ZBTB20: variants seen among roughly 807,000 people sequenced by gnomAD.
ZBTB20 encodes zinc finger and BTB domain containing 20.
ZBTB20 carries 9 observed loss-of-function variants against 56.9 expected under a neutral mutation model. The observed-to-expected ratio is 0.16, with a 90% confidence interval of 0.10 to 0.28. ZBTB20 has a LOEUF of 0.28. Among genes scored for constraint, ZBTB20 ranks in the 10% least tolerant of loss-of-function variants. The probability of loss-of-function intolerance (pLI) is 1.00; values close to 1 mark genes in which losing one functional copy is unlikely to be tolerated. For missense variants in ZBTB20, 655 were observed against 1,003.0 expected, an observed-to-expected ratio of 0.65 and a Z score of 4.69; for synonymous variants, 417 against 420.7, an observed-to-expected ratio of 0.99 and a Z score of 0.11.
At chr3:114,598,332 T>C (rs1390730225) in intron 6 of ZBTB20, among the ~76,000 whole-genome samples, 2 of 152,020 alleles carry the variant, frequency 1.3e-5, no homozygotes, top group African/African-American at 2.4e-5. Flanking sequence ...TAAGTAATAG[T>C]GTTCACCAAA....
chr3:114,604,465 G>A (rs1027604618), intron 6 of ZBTB20, among the ~76,000 whole-genome samples: 1 of 151,734 alleles, frequency 6.6e-6, no homozygotes, highest in Non-Finnish European at 1.5e-5. Flanking sequence ...TTTGATTTTT[G>A]AACCCTGGAA....
At chr3:114,984,708 G>C (rs1282221326) in intron 2 of ZBTB20, among the ~76,000 whole-genome samples, 1 of 151,934 alleles carries the variant, frequency 6.6e-6, no homozygotes, top group Non-Finnish European at 1.5e-5. Context: ...TCTCATTTTA[G>C]ATCAGAAACA....
rs1209434353 is a variant in ZBTB20 at position 114,337,137 on chromosome 3, G to A, written c.*1868C>T. 2.0e-5 allele frequency: 3 copies of A among 152,262 alleles called. No individual in the cohort carries two copies. The highest frequency in any genetic ancestry group is 2.1e-4 in the South Asian group (1 of 4,828). The allele number at this position is 152,262 out of a possible 1,614,324, so 9.4% of individuals were successfully genotyped here. The stretch of plus-strand genomic sequence containing the variant: ...TTTGTTAATTTCCCTAAAACCTTTC[G>A]AAGAAGCAAGGGTTAATTCGTCATC... On this transcript the variant is annotated 3_prime_UTR_variant, in exon 12 of 12. Transcript: ENST00000675478.
chr3:114,438,752 C>A (rs1236978179), intron 7 of ZBTB20, among the ~76,000 whole-genome samples: 1 of 152,086 alleles, frequency 6.6e-6, no homozygotes, highest in South Asian at 2.1e-4. Flanking sequence ...AAAAGTAGGG[C>A]TCCTTATTAA....
intron 4 of ZBTB20, among the ~76,000 whole-genome samples, chr3:114,884,486 A>G (rs1055949084): frequency 7.2e-5 from 11 of 152,300 alleles, no homozygotes; most frequent in Admixed American, 3.9e-4. Context: ...ACATCGAGCA[A>G]TGGGAAAATA....
chr3:114,935,313 C>T (rs945221311), intron 3 of ZBTB20, among the ~76,000 whole-genome samples: 1 of 152,154 alleles, frequency 6.6e-6, no homozygotes, highest in African/African-American at 2.4e-5. Flanking sequence ...CCCTTCCCCA[C>T]CATGTTACCT....
At chr3:115,135,996 G>C (rs776889302) in intron 1 of ZBTB20, among the ~76,000 whole-genome samples, 3 of 151,986 alleles carry the variant, frequency 2.0e-5, no homozygotes, top group Non-Finnish European at 4.4e-5. Context: ...ATCCAGATAG[G>C]AATCATATAG....
At chr3:114,512,221 A>G (rs1268202720) in intron 6 of ZBTB20, among the ~76,000 whole-genome samples, 1 of 152,172 alleles carries the variant, frequency 6.6e-6, no homozygotes. Flanking sequence ...TAGTTGCTTT[A>G]TGTCCTTGTT....
chr3:114,955,579 G>A (rs1455724319), intron 3 of ZBTB20, among the ~76,000 whole-genome samples: 2 of 152,050 alleles, frequency 1.3e-5, no homozygotes, highest in African/African-American at 4.8e-5. Flanking sequence ...CTTAGCTCTA[G>A]TACTCAACCT....
At chr3:114,682,340 A>T (rs1578318699) in intron 6 of ZBTB20, among the ~76,000 whole-genome samples, 2 of 152,326 alleles carry the variant, frequency 1.3e-5, no homozygotes, top group Middle Eastern at 6.8e-3. Flanking sequence ...AATTTATGCT[A>T]CGCACAGAAT....
At chr3:114,812,654 G>A (rs946141760) in intron 4 of ZBTB20, among the ~76,000 whole-genome samples, 4 of 152,222 alleles carry the variant, frequency 2.6e-5, no homozygotes, top group Non-Finnish European at 4.4e-5. Flanking sequence ...CCCGCACCCG[G>A]GCTGCAGGTG....
chr3:114,772,447 C>T (rs997331256), intron 5 of ZBTB20, among the ~76,000 whole-genome samples: 1 of 152,056 alleles, frequency 6.6e-6, no homozygotes. Context: ...TTCTAGTATG[C>T]TTTGTAGTGA....
chr3:114,751,701 C>T (rs1256457615), intron 5 of ZBTB20, among the ~76,000 whole-genome samples: 1 of 152,082 alleles, frequency 6.6e-6, no homozygotes, highest in Non-Finnish European at 1.5e-5. Context: ...CCAAGTTAAT[C>T]ACAAATTGTT....
At chr3:114,688,144 C>T (rs1433254144) in intron 6 of ZBTB20, 1 of 152,092 alleles carries the variant, frequency 6.6e-6, no homozygotes, top group Non-Finnish European at 1.5e-5. Flanking sequence ...GCACAAGAAT[C>T]ACTTGAACCG....
intron 1 of ZBTB20, among the ~76,000 whole-genome samples, chr3:115,078,613 G>GTGTATATATATATATATATATA (rs769630983): frequency 6.5e-5 from 9 of 137,820 alleles, no homozygotes; most frequent in African/African-American, 2.3e-4. Context: ...GTGTGTGTGT[G>GTGTATATATATATATATATATA]TATATATATA....
intron 4 of ZBTB20, among the ~76,000 whole-genome samples, chr3:114,859,285 T>TTCC (rs2075394850): frequency 3.4e-5 from 1 of 29,396 alleles, no homozygotes; most frequent in Admixed American, 5.0e-4. Context: ...CCTTCCTTCC[T>TTCC]TTCTTCCTTC....
chr3:114,839,450 A>G (rs2074275411), intron 4 of ZBTB20, among the ~76,000 whole-genome samples: 1 of 151,588 alleles, frequency 6.6e-6, no homozygotes, highest in Admixed American at 6.6e-5. Flanking sequence ...AAAGAAAGAA[A>G]GAAAGAAAGA....
chr3:114,508,408 C>T (rs1342113818), intron 6 of ZBTB20, among the ~76,000 whole-genome samples: 1 of 152,112 alleles, frequency 6.6e-6, no homozygotes, highest in East Asian at 1.9e-4. Flanking sequence ...AAGCAGTTTG[C>T]CACTTTTCTT....
intron 1 of ZBTB20, among the ~76,000 whole-genome samples, chr3:115,092,075 T>C (rs1279962432): frequency 6.6e-6 from 1 of 152,140 alleles, no homozygotes; most frequent in African/African-American, 2.4e-5. Flanking sequence ...ATGCCTAGAA[T>C]TGTTAAAGAA....
Sources: allele counts gnomAD v4.1 joint callset (sites outside exome capture counted in the v4.1 genomes callset), GRCh38; gene constraint gnomAD v4.1.1; transcripts MANE v1.5; gene names NCBI Gene and HGNC (gene_info 2026-07-23, HGNC 2026-07-21).